KALRN: variants seen among roughly 807,000 people sequenced by gnomAD.
KALRN encodes the protein kalirin.
In KALRN, 70 loss-of-function variants were observed where a neutral mutation model predicts 353.7. That is an observed-to-expected ratio of 0.20 (90% confidence interval 0.16 to 0.24). The LOEUF is 0.24. Among genes scored for constraint, KALRN ranks in the 10% least tolerant of loss-of-function variants. The pLI, the probability that KALRN is intolerant of heterozygous loss-of-function variation, is 1.00. For missense variants in KALRN, 2,791 were observed against 3,756.7 expected (o/e 0.74, Z 6.72); for synonymous variants, 1,391 against 1,434.8 (o/e 0.97, Z 0.69).
Position 124,720,247 on chromosome 3 carries a change from G to T in KALRN, c.*777G>T, listed in dbSNP as rs920898855. 1 of 152,576 alleles carries T rather than the reference G, an allele frequency of 6.6e-6. No individual in the cohort carries two copies. Among genetic ancestry groups the T allele is most frequent in the African/African-American group, 2.4e-5 (1 of 41,426 alleles). 9.5% of individuals were successfully genotyped at this position (152,576 alleles called of 1,614,324 possible). A position where few individuals can be genotyped will look rare whatever the true frequency, so the allele number is the denominator to read the frequency against. ...GATAGGTTCTTTCTGTATATGAAAC[G>T]CTCCCCGCAAATTCACTGGCAGCTC... On this transcript the variant is annotated 3_prime_UTR_variant, in exon 60 of 60. Coordinates refer to ENST00000682506, the MANE Select transcript of KALRN (RefSeq NM_001388419.1).
In KALRN at chr3:124,221,084, C is replaced by T. The variant is rs75680414; in HGVS notation, c.74-6906C>T. 8.1e-3 allele frequency among the ~76,000 whole-genome samples: 1,230 copies of T among 152,312 alleles called. 17 individuals carry two copies. The highest frequency in any genetic ancestry group is 0.028 in the African/African-American group (1,156 of 41,566). ...TGCCGATGCCTCCCCAGGTGTCCAC[C>T]CTGTTGGGAGTCAGACCACAGAGCC... is the stretch of plus-strand genomic sequence containing the variant. On this transcript the variant is annotated intron_variant, in intron 1 of 59. Coordinates refer to ENST00000682506, the MANE Select transcript of KALRN (RefSeq NM_001388419.1).
chr3:124,180,509 A>G (rs2073422134), intron 1 of KALRN, among the ~76,000 whole-genome samples: 1 of 152,214 alleles, frequency 6.6e-6, no homozygotes, highest in South Asian at 2.1e-4. Flanking sequence ...GGTCCTTGCC[A>G]GATCTTCAGA....
chr3:124,250,456 C>T (rs2070978803), intron 3 of KALRN, among the ~76,000 whole-genome samples: 1 of 152,168 alleles, frequency 6.6e-6, no homozygotes. Context: ...TGGGAGGCAG[C>T]CCATGGCTGC....
intron 58 of KALRN, among the ~76,000 whole-genome samples, chr3:124,716,134 C>A (rs1486679839): frequency 1.3e-5 from 2 of 152,154 alleles, no homozygotes; most frequent in South Asian, 2.1e-4. Flanking sequence ...GGTAACAGAA[C>A]CAGGATTCGA....
chr3:124,359,159 G>T (rs1374345026), intron 10 of KALRN, among the ~76,000 whole-genome samples: 1 of 152,142 alleles, frequency 6.6e-6, no homozygotes, highest in African/African-American at 2.4e-5. Context: ...AACCCAAAAG[G>T]TGTCTATGCA....
At chr3:124,292,825 A>G (rs528801095) in intron 5 of KALRN, among the ~76,000 whole-genome samples, 1 of 152,352 alleles carries the variant, frequency 6.6e-6, no homozygotes, top group South Asian at 2.1e-4. Flanking sequence ...AGAATCTATC[A>G]TATATGTAGC....
intron 34 of KALRN, chr3:124,584,877 C>T (rs201607411): frequency 3.8e-5 from 61 of 1,606,028 alleles, no homozygotes; most frequent in Non-Finnish European, 4.9e-5. Flanking sequence ...TGGCTCTTTG[C>T]TAAGTGCTGC....
chr3:124,445,350 A>G (rs1576998300), intron 19 of KALRN, among the ~76,000 whole-genome samples: 2 of 152,328 alleles, frequency 1.3e-5, no homozygotes, highest in South Asian at 4.1e-4. Context: ...AATAAATTTG[A>G]TTGCTTCCAG....
chr3:124,634,484 C>T (rs182038244), intron 36 of KALRN, among the ~76,000 whole-genome samples: 1 of 152,322 alleles, frequency 6.6e-6, no homozygotes, highest in Admixed American at 6.5e-5. Context: ...CCTGACTTTG[C>T]TTTGCAAGAT....
At chr3:124,161,228 T>G (rs2069894376) in intron 1 of KALRN, among the ~76,000 whole-genome samples, 1 of 152,216 alleles carries the variant, frequency 6.6e-6, no homozygotes, top group Non-Finnish European at 1.5e-5. Flanking sequence ...GTGAGTAAAT[T>G]TGCCACTCCA....
rs1561136829 is a variant in KALRN, at chr3:124,495,990, T to TATATATAC, written c.4833-314_4833-313insCATATATA. Among the ~76,000 whole-genome samples, 70 of 58,500 alleles carry TATATATAC rather than the reference T, an allele frequency of 1.2e-3. 8 individuals are homozygous for TATATATAC. The highest frequency in any genetic ancestry group is 5.2e-3 in the African/African-American group (60 of 11,602). 38.4% of individuals were successfully genotyped at this position (58,500 alleles called of 152,430 possible). On this transcript the variant is annotated intron_variant, in intron 32 of 59. Coordinates refer to ENST00000682506, the MANE Select transcript of KALRN (RefSeq NM_001388419.1). ...GTATATATATATATATATATATATA[T>TATATATAC]ATATATATATATATATATATATACA...
At chr3:124,221,092 G>A (rs1384268478) in intron 1 of KALRN, among the ~76,000 whole-genome samples, 1 of 152,158 alleles carries the variant, frequency 6.6e-6, no homozygotes, top group Non-Finnish European at 1.5e-5. Context: ...ACCCTGTTGG[G>A]AGTCAGACCA....
intron 47 of KALRN, 69 bp downstream of exon 47, chr3:124,667,252 T>A: frequency 7.2e-7 from 1 of 1,392,686 alleles, no homozygotes; most frequent in Non-Finnish European, 9.8e-7. Context: ...CTTCCTTGGG[T>A]CTAGGTTCAT....
rs187688218 is a variant in KALRN at position 124,132,342 on chromosome 3, A to G, written c.74-95648A>G. Among the ~76,000 whole-genome samples the G allele has an allele frequency of 2.4e-4, 37 of 152,266 alleles. No individual in the cohort carries two copies. In the East Asian group the frequency reaches 6.4e-3, roughly 26 times the overall value. The stretch of plus-strand genomic sequence containing the variant: ...ACATTTTCCTAAGGTTTGTGAGGGA[A>G]GCTCAATCATCACTTCAAGTGCCCA... On this transcript the variant is annotated intron_variant, in intron 1 of 59. Transcript: ENST00000682506.
At chr3:124,464,068 A>C (rs1655978017) in intron 25 of KALRN, among the ~76,000 whole-genome samples, 1 of 152,180 alleles carries the variant, frequency 6.6e-6, no homozygotes, top group Non-Finnish European at 1.5e-5. Flanking sequence ...GAGCCCAATA[A>C]AACTATTTGA....
intron 33 of KALRN, among the ~76,000 whole-genome samples, chr3:124,509,389 A>G (rs1003824358): frequency 2.0e-5 from 3 of 152,144 alleles, no homozygotes; most frequent in African/African-American, 7.2e-5. Context: ...TTGTATTTTT[A>G]GTAGAGACGG....
chr3:124,398,667 C>G, intron 12 of KALRN, 30 bp from the exon 13 acceptor site: 1 of 1,613,112 alleles, frequency 6.2e-7, no homozygotes. Context: ...AAGGCCTCTC[C>G]CTCCCTTTTT....
chr3:124,439,180 CTTCTCCT>C (rs2093583391), intron 18 of KALRN, 143 bp downstream of exon 18: 2 of 622,014 alleles, frequency 3.2e-6, no homozygotes, highest in African/African-American at 4.8e-5. Flanking sequence ...CCTCCTCCTT[CTTCTCCT>C]TCTCTCTCTC....
At chr3:124,549,134 G>A (rs1037916456) in intron 33 of KALRN, among the ~76,000 whole-genome samples, 11 of 152,174 alleles carry the variant, frequency 7.2e-5, no homozygotes, top group Middle Eastern at 3.4e-3. Context: ...GTCAGTGGTG[G>A]AACTTGAATT....
Sources: gnomAD v4.1 joint callset for allele counts (sites outside exome capture counted in the v4.1 genomes callset) on GRCh38, gnomAD v4.1.1 for gene constraint, MANE v1.5 for transcripts, NCBI Gene and HGNC (gene_info 2026-07-23, HGNC 2026-07-21) for gene names.